The following PCDHA6 variants were observed in gnomAD, a reference collection of about 807,000 sequenced individuals.
The protein encoded by PCDHA6 is protocadherin alpha 6.
A neutral mutation model predicts 60.3 loss-of-function variants in PCDHA6; 55 were observed. The observed-to-expected ratio is 0.91, with a 90% CI of 0.73 to 1.14. The LOEUF (loss-of-function observed/expected upper bound fraction) is 1.14, where lower values mean the gene tolerates loss of function less well. Ranked by LOEUF, PCDHA6 falls within the 50% of genes most tolerant of loss-of-function variation. The pLI is 0.00. For synonymous variants in PCDHA6, 652 were observed against 557.9 expected, an observed-to-expected ratio of 1.17 and a Z score of -2.38; for missense variants, 1,327 against 1,256.5, an observed-to-expected ratio of 1.06 and a Z score of -0.85.
intron 1 of PCDHA6, chr5:140,850,585 A>G (rs1253890726): frequency 6.3e-7 from 1 of 1,598,426 alleles, no homozygotes. Flanking sequence ...GTGGATGTCA[A>G]CGTGTACCTG....
At chr5:140,882,174 C>A (rs868925922) in intron 1 of PCDHA6, 1 of 1,514,752 alleles carries the variant, frequency 6.6e-7, no homozygotes, top group Non-Finnish European at 8.8e-7. Flanking sequence ...CGAATCCTTC[C>A]GCACTAGGAA....
At chr5:140,896,087 A>T (rs2065366348) in intron 1 of PCDHA6, among the ~76,000 whole-genome samples, 1 of 152,218 alleles carries the variant, frequency 6.6e-6, no homozygotes, top group East Asian at 1.9e-4. Flanking sequence ...CTGGGATTAC[A>T]GGCGTGAGCC....
Position 141,000,393 on chromosome 5 carries a change from CTCTATA to C in PCDHA6, c.2543-9232_2543-9227del, listed in dbSNP as rs1213195269. 6.1e-3 allele frequency among the ~76,000 whole-genome samples: 322 copies of C among 52,630 alleles called. 2 individuals are homozygous for C. Among genetic ancestry groups the C allele is most frequent in the Admixed American group, 0.01 (36 of 3,506 alleles). 34.5% of individuals were successfully genotyped at this position (52,630 alleles called of 152,430 possible). A position where few individuals can be genotyped will look rare whatever the true frequency, so the allele number is the denominator to read the frequency against. ...TCTCTCTCTCTCTCTCTCTCTCTCT[CTCTATA>C]TATATATATATATATATATATATTT... On this transcript the variant is annotated intron_variant, in intron 3 of 3. Transcript: ENST00000529310.
chr5:140,861,534 A>G lies in PCDHA6; in HGVS notation c.2394+31049A>G, dbSNP rs1004709017. ...GCTGTGTGGGAGGATCTCGGAGTGCAGCATCCACCTGGAAGTGATCGTGGA... is the reference window on the plus strand; with the variant it reads ...GCTGTGTGGGAGGATCTCGGAGTGCGGCATCCACCTGGAAGTGATCGTGGA... On this transcript the variant is annotated intron_variant, in intron 1 of 3. Coordinates refer to ENST00000529310, the MANE Select transcript of PCDHA6 (RefSeq NM_018909.4). The G allele has an allele frequency of 4.9e-5, 22 of 448,754 alleles. No individual in the cohort carries two copies. The Middle Eastern group carries it at 3.2e-3, about 66-fold the overall frequency. The allele number at this position is 448,754 out of a possible 1,614,324, so 27.8% of individuals were successfully genotyped here.
chr5:140,996,701 A>G (rs782320896), intron 3 of PCDHA6, among the ~76,000 whole-genome samples: 2 of 152,130 alleles, frequency 1.3e-5, no homozygotes, highest in Non-Finnish European at 2.9e-5. Flanking sequence ...CTGAACCTCT[A>G]TCTCTTTGAT....
At chr5:141,005,556 G>T (rs62384513) in intron 3 of PCDHA6, among the ~76,000 whole-genome samples, 1 of 151,476 alleles carries the variant, frequency 6.6e-6, no homozygotes, top group South Asian at 2.1e-4. Flanking sequence ...ACAAAAATTA[G>T]CCGGGCATGG....
chr5:140,880,707 G>A (rs1017608107), intron 1 of PCDHA6, among the ~76,000 whole-genome samples: 2 of 152,180 alleles, frequency 1.3e-5, no homozygotes, highest in East Asian at 3.8e-4. Context: ...TGACAATGTT[G>A]AGCAGCTTAA....
chr5:140,926,769 G>T lies in PCDHA6; in HGVS notation c.2395-52180G>T, dbSNP rs1584462454. 7.3e-6 allele frequency: 10 copies of T among 1,360,582 alleles called. No individual in the cohort carries two copies. In the East Asian group the frequency reaches 2.4e-4, roughly 33 times the overall value. 84.3% of individuals were successfully genotyped at this position (1,360,582 alleles called of 1,614,324 possible). On this transcript the variant is annotated intron_variant, in intron 1 of 3. Coordinates refer to ENST00000529310, the MANE Select transcript of PCDHA6 (RefSeq NM_018909.4). ...TCGGCGGTCGCTGAGTATCCAGCCCGCAGCAGTGACGGCCGGCAGGAGCGT... is the reference window on the plus strand; with the variant it reads ...TCGGCGGTCGCTGAGTATCCAGCCCTCAGCAGTGACGGCCGGCAGGAGCGT...
rs942533344 is a variant in PCDHA6, at chr5:140,870,223, T to A, written c.2394+39738T>A. The A allele has an allele frequency of 3.4e-5, 55 of 1,614,052 alleles. No homozygotes were observed. The highest frequency in any genetic ancestry group is 4.5e-5 in the Non-Finnish European group (53 of 1,180,044). On this transcript the variant is annotated intron_variant, in intron 1 of 3. Coordinates refer to ENST00000529310, the MANE Select transcript of PCDHA6 (RefSeq NM_018909.4). ...CACGGTCATTGCCCTGATCAGCGTG[T>A]CTGACCGTGACTCAGGTGTCAACGG...
intron 1 of PCDHA6, among the ~76,000 whole-genome samples, chr5:140,955,517 C>T (rs1554221970): frequency 6.6e-6 from 1 of 152,154 alleles, no homozygotes; most frequent in African/African-American, 2.4e-5. Flanking sequence ...TGTTTGCTTT[C>T]CCTTCCACCA....
chr5:140,928,372 G>T (rs782494631), intron 1 of PCDHA6: 5 of 1,614,136 alleles, frequency 3.1e-6, no homozygotes, highest in Non-Finnish European at 4.2e-6. Flanking sequence ...AGGGCCATCA[G>T]CCTCTAGCTT....
At chr5:140,885,737 A>G (rs1347685899) in intron 1 of PCDHA6, among the ~76,000 whole-genome samples, 1 of 152,222 alleles carries the variant, frequency 6.6e-6, no homozygotes, top group South Asian at 2.1e-4. Context: ...ATGATATTTC[A>G]CTGTTACTTT....
In PCDHA6 at chr5:141,010,093, T is replaced by A. The variant is rs2098416026; in HGVS notation, c.*156T>A. On this transcript the variant is annotated 3_prime_UTR_variant, in exon 4 of 4. Transcript: ENST00000529310. The stretch of plus-strand genomic sequence containing the variant: ...TTCCCTGTGTCTGTCTAGAACGCAT[T>A]TAACAGGTTTTGTCGTAAAAGCTTT... 4 of 1,612,692 alleles carry A rather than the reference T, an allele frequency of 2.5e-6. No homozygotes were observed. Among genetic ancestry groups the A allele is most frequent in the Non-Finnish European group, 3.4e-6 (4 of 1,179,392 alleles).
chr5:140,869,997 T>C (rs782075585), intron 1 of PCDHA6: 23 of 1,613,172 alleles, frequency 1.4e-5, no homozygotes, highest in Non-Finnish European at 2.5e-6. Context: ...ATCAAAATAA[T>C]GGAGAAGTGA....
At chr5:140,858,220 G>A (rs1271468400) in intron 1 of PCDHA6, 1 of 1,595,980 alleles carries the variant, frequency 6.3e-7, no homozygotes, top group South Asian at 1.1e-5. Context: ...GCTCGGCGGC[G>A]CCCACCGAGG....
At chr5:140,832,758 A>G (rs1554133636) in intron 1 of PCDHA6, among the ~76,000 whole-genome samples, 1 of 152,224 alleles carries the variant, frequency 6.6e-6, no homozygotes, top group Non-Finnish European at 1.5e-5. Flanking sequence ...AGTAAAAGCA[A>G]GAATATTGTA....
chr5:140,961,071 G>T (rs1344860284), intron 1 of PCDHA6, among the ~76,000 whole-genome samples: 1 of 152,208 alleles, frequency 6.6e-6, no homozygotes, highest in Non-Finnish European at 1.5e-5. Flanking sequence ...GATATCTGGA[G>T]TATCAAGTAA....
chr5:140,893,111 T>G (rs2063826181), intron 1 of PCDHA6, among the ~76,000 whole-genome samples: 1 of 152,236 alleles, frequency 6.6e-6, no homozygotes, highest in Non-Finnish European at 1.5e-5. Flanking sequence ...TATTCCGTTG[T>G]GCATATACAC....
chr5:140,908,824 C>T (rs1199416548), intron 1 of PCDHA6, among the ~76,000 whole-genome samples: 1 of 152,082 alleles, frequency 6.6e-6, no homozygotes, highest in African/African-American at 2.4e-5. Flanking sequence ...TTGGGTTACT[C>T]GATAAATGGG....
Sources: gnomAD v4.1 joint callset for allele counts (sites outside exome capture counted in the v4.1 genomes callset) on GRCh38, gnomAD v4.1.1 for gene constraint, MANE v1.5 for transcripts, NCBI Gene and HGNC (gene_info 2026-07-23, HGNC 2026-07-21) for gene names.